FHIT: variants seen among roughly 807,000 people sequenced by gnomAD.
The protein encoded by FHIT is bis(5'-adenosyl)-triphosphatase.
Under a neutral mutation model 17.9 loss-of-function variants are expected in FHIT, and 19 were observed. The observed-to-expected ratio is 1.06, with a 90% CI of 0.74 to 1.56. The LOEUF (loss-of-function observed/expected upper bound fraction) is 1.56. Among genes scored for constraint, FHIT ranks in the 40% most tolerant of loss-of-function variants. The pLI is 0.00. For missense variants in FHIT, 248 were observed against 189.2 expected (o/e 1.31, Z -1.82); for synonymous variants, 81 against 69.7 (o/e 1.16, Z -0.81).
intron 8 of FHIT, among the ~76,000 whole-genome samples, chr3:59,912,669 A>G (rs573791374): frequency 6.6e-6 from 1 of 152,356 alleles, no homozygotes; most frequent in African/African-American, 2.4e-5. Context: ...AGAGCTTACT[A>G]GAAGAAACAA....
At chr3:60,354,770 C>G (rs976743824) in intron 5 of FHIT, among the ~76,000 whole-genome samples, 1 of 152,174 alleles carries the variant, frequency 6.6e-6, no homozygotes, top group Admixed American at 6.6e-5. Context: ...CTTAACTCTA[C>G]TAAATATAAA....
chr3:60,211,733 G>A (rs1413731146), intron 5 of FHIT, among the ~76,000 whole-genome samples: 1 of 152,148 alleles, frequency 6.6e-6, no homozygotes, highest in Admixed American at 6.6e-5. Context: ...GTTGGGGAAG[G>A]AGAGTATGGT....
At chr3:61,161,818 G>A (rs775361225) in intron 2 of FHIT, among the ~76,000 whole-genome samples, 7 of 152,152 alleles carry the variant, frequency 4.6e-5, no homozygotes, top group African/African-American at 7.2e-5. Context: ...TCAAACAGTC[G>A]TGAAATTGCC....
Position 60,443,102 on chromosome 3 carries a change from G to A in FHIT, c.103+93758C>T, listed in dbSNP as rs557857523. 5.4e-3 allele frequency among the ~76,000 whole-genome samples: 815 copies of A among 152,248 alleles called. 9 individuals carry two copies. Among genetic ancestry groups the A allele is most frequent in the African/African-American group, 0.019 (784 of 41,530 alleles). On this transcript the variant is annotated intron_variant, in intron 5 of 9. Coordinates refer to ENST00000492590, the MANE Select transcript of FHIT (RefSeq NM_002012.4). Reference sequence around the variant, plus strand: ...CTGTTACTGGTGTATAAGAATGCTTGTGATTTTTGTACATTGATTTTGTAT... The same window carrying A: ...CTGTTACTGGTGTATAAGAATGCTTATGATTTTTGTACATTGATTTTGTAT...
chr3:60,995,274 C>T (rs1187985280), intron 3 of FHIT, among the ~76,000 whole-genome samples: 1 of 152,074 alleles, frequency 6.6e-6, no homozygotes, highest in Non-Finnish European at 1.5e-5. Flanking sequence ...GAGCCGAGAT[C>T]GTGCCACTGC....
intron 2 of FHIT, among the ~76,000 whole-genome samples, chr3:61,171,281 C>A (rs928144688): frequency 2.0e-5 from 3 of 152,096 alleles, no homozygotes; most frequent in African/African-American, 7.2e-5. Flanking sequence ...AAGTCCTTTG[C>A]CCACTTTTTT....
rs116883351 is a variant in FHIT at position 60,298,696 on chromosome 3, T to C, written c.103+238164A>G. Among the ~76,000 whole-genome samples the C allele has an allele frequency of 3.3e-3, 503 of 152,296 alleles. 13 individuals carry two copies. In the South Asian group the frequency reaches 0.052, roughly 16 times the overall value. On this transcript the variant is annotated intron_variant, in intron 5 of 9. Coordinates refer to ENST00000492590, the MANE Select transcript of FHIT (RefSeq NM_002012.4). ...GTGGTATTAAATTTCACCACATGCT[T>C]TTTCTGTGGGAATTGATATGATCAT...
At chr3:60,030,356 G>C (rs942019472) in intron 5 of FHIT, among the ~76,000 whole-genome samples, 1 of 152,234 alleles carries the variant, frequency 6.6e-6, no homozygotes, top group Non-Finnish European at 1.5e-5. Flanking sequence ...GGCCCTTTCT[G>C]TAGTGCATTA....
intron 5 of FHIT, among the ~76,000 whole-genome samples, chr3:60,208,193 T>C (rs1266614018): frequency 6.6e-6 from 1 of 152,222 alleles, no homozygotes; most frequent in Non-Finnish European, 1.5e-5. Context: ...TATGTCATAC[T>C]GATGACGTGT....
chr3:60,582,090 C>T (rs1553659860), intron 4 of FHIT, among the ~76,000 whole-genome samples: 1 of 151,960 alleles, frequency 6.6e-6, no homozygotes, highest in African/African-American at 2.4e-5. Flanking sequence ...CTGGAGGCTG[C>T]ACTTTGGAAT....
intron 5 of FHIT, among the ~76,000 whole-genome samples, chr3:60,177,452 C>G (rs759240656): frequency 6.6e-6 from 1 of 152,024 alleles, no homozygotes; most frequent in African/African-American, 2.4e-5. Flanking sequence ...ACTAAAGTTT[C>G]CAATTAAAAA....
chr3:60,828,517 A>G (rs1702203659), intron 3 of FHIT, among the ~76,000 whole-genome samples: 1 of 152,154 alleles, frequency 6.6e-6, no homozygotes, highest in South Asian at 2.1e-4. Flanking sequence ...AAGCTATTAG[A>G]GGAGATGGGC....
intron 5 of FHIT, among the ~76,000 whole-genome samples, chr3:60,431,485 C>G (rs940146969): frequency 6.6e-6 from 1 of 152,048 alleles, no homozygotes; most frequent in African/African-American, 2.4e-5. Context: ...CGACAGCTCC[C>G]TCAAAACTAT....
At chr3:61,199,643 A>C (rs1030213586) in intron 2 of FHIT, among the ~76,000 whole-genome samples, 1 of 152,196 alleles carries the variant, frequency 6.6e-6, no homozygotes, top group Non-Finnish European at 1.5e-5. Flanking sequence ...ATTCAGCCCC[A>C]GAAATAGATT....
At chr3:60,492,508 A>ATT (rs34685557) in intron 5 of FHIT, among the ~76,000 whole-genome samples, 229 of 141,622 alleles carry the variant, frequency 1.6e-3, no homozygotes, top group African/African-American at 5.6e-3. Flanking sequence ...GAAAGATGGC[A>ATT]TTTTTTTTTT....
chr3:59,895,111 T>C (rs1400222917), intron 8 of FHIT, among the ~76,000 whole-genome samples: 1 of 152,196 alleles, frequency 6.6e-6, no homozygotes, highest in East Asian at 1.9e-4. Flanking sequence ...ATCTAGTGGG[T>C]AGAAGCCTGA....
chr3:60,231,489 G>A (rs1704494704), intron 5 of FHIT, among the ~76,000 whole-genome samples: 1 of 152,130 alleles, frequency 6.6e-6, no homozygotes, highest in Non-Finnish European at 1.5e-5. Context: ...TAGCACCACT[G>A]GTGAACTTTG....
chr3:60,041,928 TG>T (rs779350152), intron 5 of FHIT, among the ~76,000 whole-genome samples: 3 of 152,254 alleles, frequency 2.0e-5, no homozygotes, highest in African/African-American at 4.8e-5. Context: ...TTCTCATTTC[TG>T]AAATATATAC....
At chr3:60,531,315 G>C (rs1446701922) in intron 5 of FHIT, among the ~76,000 whole-genome samples, 2 of 121,560 alleles carry the variant, frequency 1.6e-5, no homozygotes, top group Non-Finnish European at 3.2e-5. Flanking sequence ...GTCTCGCTCT[G>C]TCGCCCAGGC....
Sources: allele counts gnomAD v4.1 joint callset (sites outside exome capture counted in the v4.1 genomes callset), GRCh38; gene constraint gnomAD v4.1.1; transcripts MANE v1.5; gene names NCBI Gene and HGNC (gene_info 2026-07-23, HGNC 2026-07-21).